Variants in SPON1 observed in about 807,000 individuals in gnomAD.
SPON1 encodes the protein spondin 1, also known as spondin-1.
Under a neutral mutation model 111.7 loss-of-function variants are expected in SPON1, and 52 were observed. The ratio of observed to expected loss-of-function variants is 0.47; its 90% CI spans 0.37 to 0.59. The LOEUF is 0.59. Ranked by LOEUF, SPON1 falls within the 20% of genes least tolerant of loss-of-function variation. The pLI, the probability that SPON1 is intolerant of heterozygous loss-of-function variation, is 0.00. For synonymous variants in SPON1, 410 were observed against 395.8 expected (o/e 1.04, Z -0.43); for missense variants, 957 against 1,068.5 (o/e 0.90, Z 1.46).
chr11:13,987,031 T>C (rs1258815627), intron 2 of SPON1, among the ~76,000 whole-genome samples: 3 of 152,188 alleles, frequency 2.0e-5, no homozygotes, highest in African/African-American at 7.2e-5. Flanking sequence ...TATATGTGTG[T>C]ATGTGTCCTT....
intron 6 of SPON1, among the ~76,000 whole-genome samples, chr11:14,218,487 T>C (rs1848648426): frequency 6.6e-6 from 1 of 152,176 alleles, no homozygotes; most frequent in African/African-American, 2.4e-5. Context: ...ATCCTAATGA[T>C]TTCTGTGTCC....
At chr11:14,047,867 G>A (rs1353597658) in intron 3 of SPON1, among the ~76,000 whole-genome samples, 1 of 152,198 alleles carries the variant, frequency 6.6e-6, no homozygotes. Context: ...GATTGAACTT[G>A]ATTCTAAAGT....
Position 14,153,204 on chromosome 11 carries a change from C to T in SPON1, c.825+17636C>T, listed in dbSNP as rs182679628. Among the ~76,000 whole-genome samples the T allele has an allele frequency of 5.9e-5, 9 of 152,242 alleles. No individual in the cohort carries two copies. In the East Asian group the frequency reaches 1.7e-3, roughly 29 times the overall value. ...AGCATTTAACATACTTTTACTATTT[C>T]TTGGACAATGGAAAAACCTTAGAAC... is the stretch of plus-strand genomic sequence containing the variant. On this transcript the variant is annotated intron_variant, in intron 6 of 15. Transcript: ENST00000576479.
At chr11:14,143,581 G>A (rs1847682538) in intron 6 of SPON1, among the ~76,000 whole-genome samples, 5 of 151,992 alleles carry the variant, frequency 3.3e-5, no homozygotes. Context: ...AAAAGGGCAG[G>A]GGAAACTGAA....
chr11:14,224,446 AC>A (rs1413424278), intron 6 of SPON1, among the ~76,000 whole-genome samples: 8 of 152,234 alleles, frequency 5.3e-5, no homozygotes, highest in African/African-American at 1.7e-4. Flanking sequence ...CTTAAAAAAA[AC>A]AAAAGCTATG....
At chr11:14,081,033 A>G (rs1848957996) in intron 5 of SPON1, among the ~76,000 whole-genome samples, 1 of 152,040 alleles carries the variant, frequency 6.6e-6, no homozygotes, top group African/African-American at 2.4e-5. Flanking sequence ...GCAGTGAGCC[A>G]TGACCACACC....
chr11:14,259,602 A>G lies in SPON1; in HGVS notation c.1732A>G (p.Met578Val), dbSNP rs1300820437. ...GTGCAGCGCCACCTGCGGCATGGGCATGAAGAAGCGGCACCGCATGATCAA... is the reference window on the plus strand; with the variant it reads ...GTGCAGCGCCACCTGCGGCATGGGCGTGAAGAAGCGGCACCGCATGATCAA... ...DECSATCGMG[M>V]KKRHRMIKMN... The change falls in exon 13 of 16, where the codon ATG becomes GTG. Residue 578 changes from methionine (M) to valine (V), a missense_variant. By Grantham distance (21) the Met-to-Val change is conservative (BLOSUM62 1). Transcript: ENST00000576479. The surrounding 1 kb of genome is among the most constrained non-coding windows in gnomAD (Gnocchi z 5.0). 6.4e-7 allele frequency: 1 copy of G among 1,556,852 alleles called. No homozygotes were observed. Among genetic ancestry groups the G allele is most frequent in the Admixed American group, 1.9e-5 (1 of 51,426 alleles).
intron 2 of SPON1, among the ~76,000 whole-genome samples, chr11:13,995,583 C>G (rs1554911713): frequency 6.6e-6 from 1 of 152,094 alleles, no homozygotes; most frequent in Non-Finnish European, 1.5e-5. Flanking sequence ...ATCCAATCAC[C>G]TCCCACCAGG....
intron 15 of SPON1, among the ~76,000 whole-genome samples, chr11:14,264,625 A>T (rs947312308): frequency 7.9e-5 from 12 of 152,196 alleles, no homozygotes; most frequent in African/African-American, 1.9e-4. Flanking sequence ...CCAGTCAACA[A>T]ACATTCATTA....
At chr11:14,144,670 TG>T (rs1427855414) in intron 6 of SPON1, among the ~76,000 whole-genome samples, 74 of 145,574 alleles carry the variant, frequency 5.1e-4, no homozygotes, top group African/African-American at 1.7e-3. Flanking sequence ...ATAATAATAA[TG>T]AAAAATAAAA....
At chr11:14,029,000 C>A (rs1404583535) in intron 2 of SPON1, among the ~76,000 whole-genome samples, 4 of 152,072 alleles carry the variant, frequency 2.6e-5, no homozygotes, top group African/African-American at 7.2e-5. Context: ...GATTACCCAC[C>A]CCTGAAAAAT....
At chr11:14,212,543 G>A (rs1299294771) in intron 6 of SPON1, among the ~76,000 whole-genome samples, 1 of 152,076 alleles carries the variant, frequency 6.6e-6, no homozygotes, top group Non-Finnish European at 1.5e-5. Context: ...TTCCACCACT[G>A]ATTCATGTGA....
intron 1 of SPON1, among the ~76,000 whole-genome samples, chr11:13,975,245 T>C (rs1178386162): frequency 2.0e-5 from 3 of 152,178 alleles, no homozygotes; most frequent in African/African-American, 7.2e-5. Context: ...TCCAGGGATG[T>C]AGCACTGAGC....
At chr11:14,263,199 AAAG>A (rs1317201170) in intron 15 of SPON1, among the ~76,000 whole-genome samples, 4 of 152,216 alleles carry the variant, frequency 2.6e-5, no homozygotes, top group African/African-American at 7.2e-5. Context: ...GTCATTTATC[AAAG>A]AACATTTAGA....
chr11:13,996,942 G>A (rs1266841169), intron 2 of SPON1, among the ~76,000 whole-genome samples: 3 of 152,074 alleles, frequency 2.0e-5, no homozygotes, highest in Non-Finnish European at 2.9e-5. Context: ...AAGATAGGTG[G>A]TTCTAATTTT....
intron 6 of SPON1, among the ~76,000 whole-genome samples, chr11:14,163,401 C>T (rs1847990162): frequency 6.6e-6 from 1 of 152,152 alleles, no homozygotes; most frequent in Non-Finnish European, 1.5e-5. Flanking sequence ...AACTTGGGGG[C>T]TGGTGGTGGG....
At position 14,266,829 on chromosome 11, in the gene SPON1, A is replaced by G. The variant is rs1266471829; in HGVS notation, c.*1142A>G. ...ATTCTGGTGGAAAGTCAAACCTGTCAGTGCTCCACACCAGGGCTGTGGTCC... is the reference window on the plus strand; with the variant it reads ...ATTCTGGTGGAAAGTCAAACCTGTCGGTGCTCCACACCAGGGCTGTGGTCC... On this transcript the variant is annotated 3_prime_UTR_variant, in exon 16 of 16. Coordinates refer to ENST00000576479, the MANE Select transcript of SPON1 (RefSeq NM_006108.4). 3.3e-5 allele frequency: 5 copies of G among 152,304 alleles called. No homozygotes were observed. The highest frequency in any genetic ancestry group is 1.2e-4 in the African/African-American group (5 of 41,558). The allele number at this position is 152,304 out of a possible 1,614,324, so 9.4% of individuals were successfully genotyped here. A position where few individuals can be genotyped will look rare whatever the true frequency, so the allele number is the denominator to read the frequency against.
At chr11:14,191,539 T>G (rs1385123225) in intron 6 of SPON1, among the ~76,000 whole-genome samples, 1 of 151,906 alleles carries the variant, frequency 6.6e-6, no homozygotes, top group East Asian at 1.9e-4. Flanking sequence ...GTGAAAGGAG[T>G]AGACAGCACG....
intron 6 of SPON1, among the ~76,000 whole-genome samples, chr11:14,146,483 G>A (rs1847720226): frequency 6.6e-6 from 1 of 151,856 alleles, no homozygotes; most frequent in African/African-American, 2.4e-5. Flanking sequence ...ATATTTAAAT[G>A]AACAAAGAAA....
Sources: allele counts gnomAD v4.1 joint callset (sites outside exome capture counted in the v4.1 genomes callset), GRCh38; gene constraint gnomAD v4.1.1; non-coding constraint Gnocchi (gnomAD v3.1); transcripts MANE v1.5; gene names NCBI Gene and HGNC (gene_info 2026-07-23, HGNC 2026-07-21).